The following ZFYVE26 variants were observed in gnomAD, a reference collection of about 807,000 sequenced individuals.
ZFYVE26 encodes the protein zinc finger FYVE-type containing 26.
Under a neutral mutation model 276.5 loss-of-function variants are expected in ZFYVE26, and 181 were observed. The observed-to-expected ratio is 0.65, with a 90% confidence interval of 0.58 to 0.74. ZFYVE26 has a LOEUF of 0.74. Among genes scored for constraint, ZFYVE26 ranks in the 30% least tolerant of loss-of-function variants. The probability of loss-of-function intolerance (pLI) is 0.00; values close to 1 mark genes in which losing one functional copy is unlikely to be tolerated. For missense variants in ZFYVE26, 2,821 were observed against 3,097.9 expected (o/e 0.91, Z 2.12); for synonymous variants, 1,129 against 1,203.1 (o/e 0.94, Z 1.27).
intron 26 of ZFYVE26, 105 bp from the exon 27 acceptor site, chr14:67,775,219 T>C: frequency 2.7e-6 from 2 of 738,054 alleles, no homozygotes; most frequent in South Asian, 3.8e-5. Flanking sequence ...CTGATTGTCA[T>C]TCCATGACTC....
In ZFYVE26 at chr14:67,793,744, G is replaced by A. The variant is rs2039882584; in HGVS notation, c.2417C>T (p.Ala806Val). The A allele has an allele frequency of 6.2e-7, 1 of 1,613,898 alleles. No homozygotes were observed. The highest frequency in any genetic ancestry group is 1.3e-5 in the African/African-American group (1 of 74,990). The change falls in exon 14 of 42, where the codon GCC becomes GTC. Residue 806 changes from alanine (A) to valine (V), a missense_variant. Ala to Val is a moderately conservative substitution (Grantham distance 64, BLOSUM62 0). Coordinates refer to ENST00000347230, the MANE Select transcript of ZFYVE26 (RefSeq NM_015346.4). ...STSTSEGSLS[A>V]MSGRNELHSR... ...GTGCAGCTCATTCCGGCCAGACATG[G>A]CACTCAGACTTCCCTCTGTTGGGAC...
In ZFYVE26 at chr14:67,767,698, T is replaced by C; in HGVS notation, c.5790+6A>G. On this transcript the variant is annotated splice_donor_region_variant and intron_variant, in intron 31 of 41. Coordinates refer to ENST00000347230, the MANE Select transcript of ZFYVE26 (RefSeq NM_015346.4). ...TTAAGTGACCATTGCATTTTATTGC[T>C]ATTACCTGCTCATAGTAAAATTCAC... 1 of 1,614,182 alleles carries C rather than the reference T, an allele frequency of 6.2e-7. No homozygotes were observed.
rs79987216 is a variant in ZFYVE26 at position 67,802,141 on chromosome 14, T to C, written c.1577A>G (p.Asp526Gly). Reference protein sequence around the residue: ...HQHSQCQDCKDSLSEDLASAT... With the variant: ...HQHSQCQDCKGSLSEDLASAT... ...TGAGGCCAGGTCCTCAGAGAGGCTGTCTTTGCAGTCCTGGCACTGGGAGTG... is the reference window on the plus strand; with the variant it reads ...TGAGGCCAGGTCCTCAGAGAGGCTGCCTTTGCAGTCCTGGCACTGGGAGTG... The change falls in exon 10 of 42, where the codon GAC (aspartate) becomes GGC (glycine). Residue 526 changes from aspartate to glycine, a missense_variant. By Grantham distance (94) the Asp-to-Gly change is moderately conservative. Coordinates refer to ENST00000347230, the MANE Select transcript of ZFYVE26 (RefSeq NM_015346.4). The C allele has an allele frequency of 6.2e-7, 1 of 1,614,024 alleles. No homozygotes were observed. The highest frequency in any genetic ancestry group is 1.3e-5 in the African/African-American group (1 of 75,038).
In ZFYVE26 at chr14:67,777,554, C is replaced by T. The variant is rs757204134; in HGVS notation, c.4974+5G>A. The T allele has an allele frequency of 8.4e-5, 136 of 1,613,538 alleles. No homozygotes were observed. In the Admixed American group the frequency reaches 2.3e-3, roughly 27 times the overall value. Reference sequence around the variant, plus strand: ...CAGCGCCTGGATTTCACGGTGTATCCTTACCTTGGATCCCACATACAGCGC... The same window carrying T: ...CAGCGCCTGGATTTCACGGTGTATCTTTACCTTGGATCCCACATACAGCGC... On this transcript the variant is annotated splice_donor_5th_base_variant and intron_variant, in intron 25 of 41. Transcript: ENST00000347230.
intron 3 of ZFYVE26, among the ~76,000 whole-genome samples, chr14:67,811,244 C>A (rs1387387690): frequency 1.3e-5 from 2 of 152,164 alleles, no homozygotes; most frequent in Non-Finnish European, 2.9e-5. Flanking sequence ...GTAGATTATA[C>A]TTATTTTACT....
At position 67,804,219 on chromosome 14, in the gene ZFYVE26, TC is replaced by T. The variant is rs761261333; in HGVS notation, c.1316del (p.Gly439GlufsTer51). 6.2e-7 allele frequency: 1 copy of T among 1,613,912 alleles called. No homozygotes were observed. The highest frequency in any genetic ancestry group is 8.5e-7 in the Non-Finnish European group (1 of 1,179,932). ...GAGTGTAGAGCACTGAGTGGCTGTC[TC>T]CACCGTGTAAATGATACAACAGATC... The part of the protein sequence containing the change: ...KRDLLYHLHG[G>X]DSHSVLYTLH... On this transcript the variant is annotated frameshift_variant, in exon 9 of 42. Coordinates refer to ENST00000347230, the MANE Select transcript of ZFYVE26 (RefSeq NM_015346.4). LOFTEE classifies it high-confidence loss of function.
rs774794662 is a variant in ZFYVE26, at chr14:67,753,659, G to GT, written c.7188+47dup. The GT allele has an allele frequency of 4.3e-5, 68 of 1,580,532 alleles. No individual in the cohort carries two copies. The Admixed American group carries it at 1.1e-3, about 26-fold the overall frequency. On this transcript the variant is annotated intron_variant, in intron 39 of 41. Coordinates refer to ENST00000347230, the MANE Select transcript of ZFYVE26 (RefSeq NM_015346.4). Reference sequence around the variant, plus strand: ...AAGAATAATCTCTCCCGGAACTGTGGTCAGGTGCTGATTGTCCTCAGTATG... The same window carrying GT: ...AAGAATAATCTCTCCCGGAACTGTGGTTCAGGTGCTGATTGTCCTCAGTATG...
At chr14:67,755,911 G>A (rs1010483201) in intron 36 of ZFYVE26, 37 bp downstream of exon 36, 7 of 1,612,650 alleles carry the variant, frequency 4.3e-6, no homozygotes, top group Non-Finnish European at 5.9e-6. Context: ...TGGGGCACCA[G>A]CAACAGAGGT....
chr14:67,812,702 G>A (rs2040328147), intron 3 of ZFYVE26, among the ~76,000 whole-genome samples: 1 of 152,222 alleles, frequency 6.6e-6, no homozygotes, highest in African/African-American at 2.4e-5. Flanking sequence ...TTGAGCAACT[G>A]TCTAGAAAAT....
At chr14:67,748,901 G>T (rs1187709597) in intron 41 of ZFYVE26, among the ~76,000 whole-genome samples, 1 of 152,186 alleles carries the variant, frequency 6.6e-6, no homozygotes, top group Non-Finnish European at 1.5e-5. Flanking sequence ...AGGCAGTTTG[G>T]TCTCTGTCCA....
rs1412277173 is a variant in ZFYVE26, at chr14:67,815,410, GACA to G, written c.194+357_194+359del. 14 of 290,394 alleles carry G rather than the reference GACA, an allele frequency of 4.8e-5. No homozygotes were observed. In the East Asian group the frequency reaches 9.2e-4, roughly 19 times the overall value. 18.0% of individuals were successfully genotyped at this position (290,394 alleles called of 1,614,324 possible). On this transcript the variant is annotated intron_variant, in intron 2 of 41. Coordinates refer to ENST00000347230, the MANE Select transcript of ZFYVE26 (RefSeq NM_015346.4). ...CGAAATAAAAAGTTTTAAGTAAAGC[GACA>G]ACAATATTTTCAATCTCATAAGCAA... is the stretch of plus-strand genomic sequence containing the variant.
In ZFYVE26 at chr14:67,733,902, G is replaced by C. The variant is rs535737403; in HGVS notation, n.2680-4083C>G. On this transcript the variant is annotated intron_variant and non_coding_transcript_variant, in intron 13 of 14. Transcript: ENST00000394455. ...CCCAATCCATGCCATAATGAACAGGGACCAAGGAGAAGGCCAACCCTAAAG... is the reference window on the plus strand; with the variant it reads ...CCCAATCCATGCCATAATGAACAGGCACCAAGGAGAAGGCCAACCCTAAAG... The C allele has an allele frequency of 4.7e-4, 646 of 1,373,824 alleles. 8 individuals are homozygous for C. In the South Asian group the frequency reaches 7.3e-3, roughly 15 times the overall value. The allele number at this position is 1,373,824 out of a possible 1,614,324, so 85.1% of individuals were successfully genotyped here. A position where few individuals can be genotyped will look rare whatever the true frequency, so the allele number is the denominator to read the frequency against.
rs2038510493 is a variant in ZFYVE26, at chr14:67,747,356, G to A, written c.*1080C>T. ...CCTTGACTCCCTTTTCTAAGACAGAGAAAAGAAGCGCACTCCCTTCCCAAT... is the reference window on the plus strand; with the variant it reads ...CCTTGACTCCCTTTTCTAAGACAGAAAAAAGAAGCGCACTCCCTTCCCAAT... On this transcript the variant is annotated 3_prime_UTR_variant, in exon 42 of 42. Coordinates refer to ENST00000347230, the MANE Select transcript of ZFYVE26 (RefSeq NM_015346.4). The A allele has an allele frequency of 6.6e-6, 1 of 152,152 alleles. No individual in the cohort carries two copies. The highest frequency in any genetic ancestry group is 2.4e-5 in the African/African-American group (1 of 41,402). 9.4% of individuals were successfully genotyped at this position (152,152 alleles called of 1,614,324 possible).
chr14:67,783,640 A>G, intron 20 of ZFYVE26, 115 bp from the exon 21 acceptor site: 2 of 1,381,282 alleles, frequency 1.4e-6, no homozygotes, highest in Non-Finnish European at 2.0e-6. Flanking sequence ...CCTAATTGTC[A>G]CACTCTTTTT....
chr14:67,749,032 T>C (rs189737706), intron 41 of ZFYVE26, among the ~76,000 whole-genome samples: 4 of 152,282 alleles, frequency 2.6e-5, no homozygotes, highest in Admixed American at 6.5e-5. Flanking sequence ...TATTTGGTTA[T>C]GCCTGTCTCC....
rs1292915809 is a variant in ZFYVE26 at position 67,752,354 on chromosome 14, A to G, written c.7361T>C (p.Ile2454Thr). 6.2e-7 allele frequency: 1 copy of G among 1,610,480 alleles called. No homozygotes were observed. The highest frequency in any genetic ancestry group is 1.3e-5 in the African/African-American group (1 of 74,856). The change falls in exon 40 of 42, where the codon ATT becomes ACT. Residue 2454 changes from isoleucine (I) to threonine (T), a missense_variant. By Grantham distance (89) the Ile-to-Thr change is moderately conservative. Coordinates refer to ENST00000347230, the MANE Select transcript of ZFYVE26 (RefSeq NM_015346.4). ...LLNCLEAFKR[I>T]PPQELEGLIQ... is the part of the protein sequence containing the mutation. ...CGGGAGGGAGTGTACCTGGGGCGGA[A>G]TTCTCTTGAACGCTTCCAGGCAGTT...
chr14:67,762,166 C>T (rs746869926), intron 34 of ZFYVE26, 37 bp downstream of exon 34: 6 of 1,606,150 alleles, frequency 3.7e-6, no homozygotes, highest in Non-Finnish European at 4.3e-6. Flanking sequence ...CTGGGTCTCC[C>T]TCCCTGAGCC....
At chr14:67,751,446 G>A (rs1384248391) in intron 40 of ZFYVE26, 1 of 396,022 alleles carries the variant, frequency 2.5e-6, no homozygotes, top group African/African-American at 2.1e-5. Context: ...GTATGTATCA[G>A]CGTAATACAC....
At position 67,790,601 on chromosome 14, in the gene ZFYVE26, A is replaced by G. The variant is rs1231172181; in HGVS notation, c.2726T>C (p.Leu909Pro). The stretch of plus-strand genomic sequence containing the variant: ...TGCTGCAGCGCTGCCAATGGCCTGT[A>G]GAGTTGAGCGGCCACTGCCAGTTCT... ...IRRTGSGRST[L>P]QAIGSAAAAG... The change falls in exon 15 of 42, where the codon CTA (leucine) becomes CCA (proline). Residue 909 changes from leucine to proline, a missense_variant. Leu to Pro is a moderately conservative substitution (Grantham distance 98). Coordinates refer to ENST00000347230, the MANE Select transcript of ZFYVE26 (RefSeq NM_015346.4). 2.5e-6 allele frequency: 4 copies of G among 1,613,786 alleles called. No individual in the cohort carries two copies. The highest frequency in any genetic ancestry group is 3.4e-6 in the Non-Finnish European group (4 of 1,179,934).
Sources: allele counts gnomAD v4.1 joint callset (sites outside exome capture counted in the v4.1 genomes callset), GRCh38; gene constraint gnomAD v4.1.1; transcripts MANE v1.5; gene names NCBI Gene and HGNC (gene_info 2026-07-23, HGNC 2026-07-21).